DEUP1: variants seen among roughly 807,000 people sequenced by gnomAD.
DEUP1 encodes the protein deuterosome assembly protein 1.
In DEUP1, 82 loss-of-function variants were observed where a neutral mutation model predicts 87.4. The ratio of observed to expected loss-of-function variants is 0.94; its 90% confidence interval spans 0.78 to 1.13. DEUP1 has a LOEUF of 1.13. Ranked by LOEUF, DEUP1 falls within the 50% of genes most tolerant of loss-of-function variation. The pLI, the probability that DEUP1 is intolerant of heterozygous loss-of-function variation, is 0.00. For missense variants in DEUP1, 663 were observed against 681.5 expected, an observed-to-expected ratio of 0.97 and a Z score of 0.30; for synonymous variants, 214 against 222.7, an observed-to-expected ratio of 0.96 and a Z score of 0.35.
At chr11:93,417,026 A>T (rs895790426) in intron 13 of DEUP1, among the ~76,000 whole-genome samples, 2 of 151,760 alleles carry the variant, frequency 1.3e-5, no homozygotes, top group African/African-American at 2.4e-5. Context: ...CATGGGACGT[A>T]TCTCAAAATA....
At chr11:93,435,839 A>T (rs1948228278) in intron 13 of DEUP1, among the ~76,000 whole-genome samples, 1 of 152,114 alleles carries the variant, frequency 6.6e-6, no homozygotes, top group Admixed American at 6.5e-5. Flanking sequence ...TACTAAAAAT[A>T]CAAAAAATTA....
intron 13 of DEUP1, among the ~76,000 whole-genome samples, chr11:93,420,033 A>G (rs1947820088): frequency 6.6e-6 from 1 of 152,138 alleles, no homozygotes; most frequent in Non-Finnish European, 1.5e-5. Flanking sequence ...CAATCAATAG[A>G]AAAAGAGGGA....
chr11:93,411,062 C>T (rs1044214116), intron 12 of DEUP1: 1 of 152,154 alleles, frequency 6.6e-6, no homozygotes, highest in Non-Finnish European at 1.5e-5. Flanking sequence ...CATGTAAATC[C>T]TACTGTGGGG....
Position 93,376,457 on chromosome 11 carries a change from G to A in DEUP1, c.789+5177G>A, listed in dbSNP as rs567490726. ...TGATCTTTTGTATTTCAGTAGTATC[G>A]GTTTGAATATCTCCTGTTTCATTTC... On this transcript the variant is annotated intron_variant, in intron 7 of 13. Coordinates refer to ENST00000298050, the MANE Select transcript of DEUP1 (RefSeq NM_181645.4). Among the ~76,000 whole-genome samples, 11 of 152,076 alleles carry A rather than the reference G, an allele frequency of 7.2e-5. No homozygotes were observed. The South Asian group carries it at 1.7e-3, about 23-fold the overall frequency.
Position 93,408,385 on chromosome 11 carries a change from A to T in DEUP1, c.1481A>T (p.Tyr494Phe). The change falls in exon 12 of 14, where the codon TAT becomes TTT. Residue 494 changes from tyrosine to phenylalanine, a missense_variant. Coordinates refer to ENST00000298050, the MANE Select transcript of DEUP1 (RefSeq NM_181645.4). ...NQNTYEETGRYAYQSQIKVEQ... is the reference protein window; with the variant it reads ...NQNTYEETGRFAYQSQIKVEQ... ...AACACCTATGAAGAAACAGGAAGAT[A>T]TGCCTATCAAAGCCAAATAAAAGTG... 1 of 1,569,174 alleles carries T rather than the reference A, an allele frequency of 6.4e-7. No individual in the cohort carries two copies. The highest frequency in any genetic ancestry group is 8.6e-7 in the Non-Finnish European group (1 of 1,156,574).
At chr11:93,405,465 G>A (rs1193469099) in intron 11 of DEUP1, among the ~76,000 whole-genome samples, 1 of 151,862 alleles carries the variant, frequency 6.6e-6, no homozygotes, top group Non-Finnish European at 1.5e-5. Flanking sequence ...GAGCACCTTG[G>A]TCAGTAGCTT....
At chr11:93,353,923 C>T (rs978690531) in intron 2 of DEUP1, among the ~76,000 whole-genome samples, 14 of 152,324 alleles carry the variant, frequency 9.2e-5, no homozygotes, top group Non-Finnish European at 1.8e-4. Flanking sequence ...GTCCTGGGGA[C>T]ATTTTCCCCA....
intron 13 of DEUP1, among the ~76,000 whole-genome samples, chr11:93,434,220 G>A (rs964539482): frequency 3.9e-5 from 6 of 152,124 alleles, no homozygotes; most frequent in Non-Finnish European, 7.4e-5. Context: ...CTGTTGAGAG[G>A]AAAGTTAGTG....
chr11:93,389,632 A>G (rs1946706750), intron 9 of DEUP1, among the ~76,000 whole-genome samples: 1 of 152,166 alleles, frequency 6.6e-6, no homozygotes, highest in African/African-American at 2.4e-5. Context: ...CTAATGAAAT[A>G]GGTCTTAATA....
At chr11:93,430,970 C>T (rs1948084763) in intron 13 of DEUP1, among the ~76,000 whole-genome samples, 1 of 151,952 alleles carries the variant, frequency 6.6e-6, no homozygotes, top group East Asian at 1.9e-4. Flanking sequence ...GTGGCACATG[C>T]CTGTAGTCCC....
intron 11 of DEUP1, among the ~76,000 whole-genome samples, chr11:93,399,995 A>G (rs1224811211): frequency 6.6e-6 from 1 of 151,988 alleles, no homozygotes; most frequent in Non-Finnish European, 1.5e-5. Context: ...TTTTACTTAG[A>G]GTTGTTATTA....
intron 4 of DEUP1, among the ~76,000 whole-genome samples, chr11:93,360,484 C>T (rs1356406648): frequency 6.6e-6 from 1 of 152,060 alleles, no homozygotes; most frequent in Non-Finnish European, 1.5e-5. Context: ...GCCAAGATGC[C>T]ACATGTTAGA....
chr11:93,352,380 C>G, intron 2 of DEUP1: 1 of 702,530 alleles, frequency 1.4e-6, no homozygotes, highest in Middle Eastern at 2.3e-4. Context: ...CTGGAGAATG[C>G]TTCAGCTTCT....
At chr11:93,342,787 T>C (rs1007601905) in intron 2 of DEUP1, among the ~76,000 whole-genome samples, 1 of 152,184 alleles carries the variant, frequency 6.6e-6, no homozygotes, top group Non-Finnish European at 1.5e-5. Flanking sequence ...TATCACTGTT[T>C]ATGGTGAGAA....
At chr11:93,385,340 G>A in intron 7 of DEUP1, 58 bp from the exon 8 acceptor site, 1 of 1,507,462 alleles carries the variant, frequency 6.6e-7, no homozygotes, top group Non-Finnish European at 9.1e-7. Context: ...ATTTTTAAAT[G>A]CATTGTACGT....
Position 93,417,101 on chromosome 11 carries a change from T to G in DEUP1, c.1638+1987T>G, listed in dbSNP as rs983646916. The stretch of plus-strand genomic sequence containing the variant: ...CTGAATGGGCAAAAACTGGAAGCAT[T>G]CCCTTTGAAAACTGGCACAAGACAG... On this transcript the variant is annotated intron_variant, in intron 13 of 13. Transcript: ENST00000298050. Among the ~76,000 whole-genome samples the G allele has an allele frequency of 3.4e-5, 5 of 146,958 alleles. No homozygotes were observed. The Admixed American group carries it at 3.4e-4, about 10-fold the overall frequency.
At chr11:93,372,208 G>A (rs1201982161) in intron 7 of DEUP1, among the ~76,000 whole-genome samples, 4 of 152,138 alleles carry the variant, frequency 2.6e-5, no homozygotes, top group Admixed American at 2.0e-4. Flanking sequence ...GATTACAGGC[G>A]TGAGCCACCG....
Position 93,339,839 on chromosome 11 carries a change from A to G in DEUP1, c.29+7551A>G, listed in dbSNP as rs1258317106. Among the ~76,000 whole-genome samples the G allele has an allele frequency of 2.1e-4, 32 of 152,136 alleles. 1 individual carries two copies. The highest frequency in any genetic ancestry group is 2.0e-3 in the Admixed American group (31 of 15,276). On this transcript the variant is annotated intron_variant, in intron 2 of 13. Coordinates refer to ENST00000298050, the MANE Select transcript of DEUP1 (RefSeq NM_181645.4). ...TGAACTGTCACCCCCACCCAGCAGTAATGAGGAGTTCCTCCCTCCAAGTGG... is the reference window on the plus strand; with the variant it reads ...TGAACTGTCACCCCCACCCAGCAGTGATGAGGAGTTCCTCCCTCCAAGTGG...
chr11:93,373,430 G>T (rs762705349), intron 7 of DEUP1, among the ~76,000 whole-genome samples: 1 of 151,806 alleles, frequency 6.6e-6, no homozygotes, highest in African/African-American at 2.4e-5. Flanking sequence ...ACTTATGAGT[G>T]AGAACGTAAG....
Sources: gnomAD v4.1 joint callset for allele counts (sites outside exome capture counted in the v4.1 genomes callset) on GRCh38, gnomAD v4.1.1 for gene constraint, MANE v1.5 for transcripts, NCBI Gene and HGNC (gene_info 2026-07-23, HGNC 2026-07-21) for gene names.